RAP1GDS1: variants seen among roughly 807,000 people sequenced by gnomAD.
RAP1GDS1 encodes Rap1 GTPase-GDP dissociation stimulator 1.
A neutral mutation model predicts 71.1 loss-of-function variants in RAP1GDS1; 35 were observed. That is an observed-to-expected ratio of 0.49 (90% CI 0.38 to 0.65). The LOEUF (loss-of-function observed/expected upper bound fraction) is 0.65. Among genes scored for constraint, RAP1GDS1 ranks in the 30% least tolerant of loss-of-function variants. The probability of loss-of-function intolerance (pLI) is 0.00; values close to 1 mark genes in which losing one functional copy is unlikely to be tolerated. For synonymous variants in RAP1GDS1, 229 were observed against 243.1 expected (o/e 0.94, Z 0.54); for missense variants, 663 against 706.1 (o/e 0.94, Z 0.69).
intron 4 of RAP1GDS1, among the ~76,000 whole-genome samples, chr4:98,356,931 T>G (rs1237048080): frequency 6.6e-6 from 1 of 152,024 alleles, no homozygotes; most frequent in African/African-American, 2.4e-5. Flanking sequence ...TGTGCTACAC[T>G]ATTTTAATAT....
At chr4:98,441,612 T>C (rs1223063937) in intron 14 of RAP1GDS1, 18 of 984,726 alleles carry the variant, frequency 1.8e-5, no homozygotes, top group Non-Finnish European at 2.2e-5. Context: ...TTTTTAAAAA[T>C]TGGGCAAGTA....
chr4:98,302,030 C>T (rs1323080009), intron 2 of RAP1GDS1, among the ~76,000 whole-genome samples: 1 of 151,798 alleles, frequency 6.6e-6, no homozygotes, highest in East Asian at 1.9e-4. Context: ...TATTACTAGT[C>T]AAGGAAAATA....
intron 2 of RAP1GDS1, 59 bp downstream of exon 2, chr4:98,293,574 A>C: frequency 2.5e-6 from 3 of 1,215,360 alleles, no homozygotes; most frequent in Non-Finnish European, 2.4e-6. Context: ...GTAGTCATTC[A>C]GAAACTGGTA....
chr4:98,417,919 G>A (rs1289042982), intron 9 of RAP1GDS1, among the ~76,000 whole-genome samples: 9 of 152,064 alleles, frequency 5.9e-5, no homozygotes, highest in Admixed American at 3.9e-4. Flanking sequence ...CGTGTAGAAT[G>A]TTTAATTTAG....
At chr4:98,381,430 A>G (rs993325909) in intron 5 of RAP1GDS1, among the ~76,000 whole-genome samples, 1 of 151,556 alleles carries the variant, frequency 6.6e-6, no homozygotes, top group South Asian at 2.1e-4. Context: ...TGTTTGGCAT[A>G]ATTATTAAAG....
rs189821197 is a variant in RAP1GDS1, at chr4:98,331,123, C to T, written c.113-12016C>T. 7.0e-4 allele frequency among the ~76,000 whole-genome samples: 106 copies of T among 152,304 alleles called. 1 individual carries two copies. Among genetic ancestry groups the T allele is most frequent in the African/African-American group, 2.5e-3 (102 of 41,574 alleles). Reference sequence around the variant, plus strand: ...CAGCCCCGCCAACAGGGCAAAACCCCGTCTCCACCAAAAAATACAAAAACC... The same window carrying T: ...CAGCCCCGCCAACAGGGCAAAACCCTGTCTCCACCAAAAAATACAAAAACC... On this transcript the variant is annotated intron_variant, in intron 2 of 14. Transcript: ENST00000408927.
At chr4:98,421,214 C>A in intron 11 of RAP1GDS1, 41 bp from the exon 12 acceptor site, 1 of 1,540,548 alleles carries the variant, frequency 6.5e-7, no homozygotes, top group Non-Finnish European at 8.8e-7. Flanking sequence ...AACTGATTGT[C>A]TGTTAGTGAT....
At chr4:98,276,685 A>G (rs1392113524) in intron 1 of RAP1GDS1, among the ~76,000 whole-genome samples, 3 of 152,168 alleles carry the variant, frequency 2.0e-5, no homozygotes, top group African/African-American at 4.8e-5. Context: ...AACACTGGAC[A>G]TCATTCTAAG....
intron 7 of RAP1GDS1, among the ~76,000 whole-genome samples, chr4:98,407,920 T>C (rs1746388903): frequency 6.6e-6 from 1 of 151,968 alleles, no homozygotes; most frequent in African/African-American, 2.4e-5. Context: ...ATATAATTAC[T>C]ACAGTTGAGT....
At position 98,303,172 on chromosome 4, in the gene RAP1GDS1, A is replaced by C. The variant is rs182402482; in HGVS notation, c.112+9657A>C. ...AGGAATAAGAATTTTATATTGAACC[A>C]AGCTGCCCAGTAAAAATCAAAGCTG... On this transcript the variant is annotated intron_variant, in intron 2 of 14. Transcript: ENST00000408927. Among the ~76,000 whole-genome samples, 186 of 152,308 alleles carry C rather than the reference A, an allele frequency of 1.2e-3. 2 individuals carry two copies. Among genetic ancestry groups the C allele is most frequent in the Middle Eastern group, 3.4e-3 (1 of 294 alleles).
intron 1 of RAP1GDS1, among the ~76,000 whole-genome samples, chr4:98,283,817 A>ATTTTT (rs10582639): frequency 1.4e-4 from 19 of 133,956 alleles, no homozygotes; most frequent in Middle Eastern, 3.9e-3. Context: ...TTTCATTGTG[A>ATTTTT]TTTTTTTTTT....
In RAP1GDS1 at chr4:98,412,688, C is replaced by G. The variant is rs114190914; in HGVS notation, c.764-4057C>G. Among the ~76,000 whole-genome samples the G allele has an allele frequency of 3.7e-3, 564 of 152,164 alleles. 1 individual carries two copies. The highest frequency in any genetic ancestry group is 0.014 in the Middle Eastern group (4 of 294). On this transcript the variant is annotated intron_variant, in intron 7 of 14. Coordinates refer to ENST00000408927, the MANE Select transcript of RAP1GDS1 (RefSeq NM_001100427.2). ...AGCCCCCAATATTTCAATGTATGTT[C>G]TATTTTCCCTAAATGTCGGCCCATC...
chr4:98,327,591 G>A (rs904446807), intron 2 of RAP1GDS1, among the ~76,000 whole-genome samples: 12 of 151,984 alleles, frequency 7.9e-5, no homozygotes, highest in African/African-American at 9.7e-5. Context: ...TTTTTAACAC[G>A]AGTGACTCTT....
chr4:98,271,347 G>T (rs572336866), intron 1 of RAP1GDS1, among the ~76,000 whole-genome samples: 2 of 152,114 alleles, frequency 1.3e-5, no homozygotes, highest in South Asian at 4.2e-4. Context: ...AATTAGAGGG[G>T]TGCTGGTAAA....
chr4:98,392,161 T>G, intron 6 of RAP1GDS1, 81 bp downstream of exon 6: 1 of 1,288,022 alleles, frequency 7.8e-7, no homozygotes, highest in South Asian at 1.6e-5. Context: ...ATTAAGAAGC[T>G]AGAAATCCAT....
chr4:98,371,347 A>T (rs1437459949), intron 4 of RAP1GDS1, among the ~76,000 whole-genome samples: 3 of 150,956 alleles, frequency 2.0e-5, no homozygotes, highest in Admixed American at 2.0e-4. Context: ...TGAACTCCTG[A>T]CTTCAAATGA....
At chr4:98,416,909 G>T (rs1748119140) in intron 8 of RAP1GDS1, 21 bp downstream of exon 8, 1 of 1,607,688 alleles carries the variant, frequency 6.2e-7, no homozygotes, top group Non-Finnish European at 8.5e-7. Flanking sequence ...ATTTATGCCA[G>T]CCAAAGAATG....
At chr4:98,417,216 T>A (rs61080824) in intron 8 of RAP1GDS1, 151 bp from the exon 9 acceptor site, 78,742 of 870,096 alleles carry the variant, frequency 0.09, 5,211 homozygotes, top group African/African-American at 0.29. Context: ...ATCTATTAAA[T>A]GTTTATTATA....
At chr4:98,332,643 C>A (rs191589585) in intron 2 of RAP1GDS1, among the ~76,000 whole-genome samples, 28 of 152,148 alleles carry the variant, frequency 1.8e-4, no homozygotes, top group Admixed American at 3.3e-4. Flanking sequence ...AAAACTATAC[C>A]TCAAGAAATG....
Sources: gnomAD v4.1 joint callset for allele counts (sites outside exome capture counted in the v4.1 genomes callset) on GRCh38, gnomAD v4.1.1 for gene constraint, MANE v1.5 for transcripts, NCBI Gene and HGNC (gene_info 2026-07-23, HGNC 2026-07-21) for gene names.